Variants in NRXN1 observed in about 807,000 individuals in gnomAD.
NRXN1 encodes neurexin 1, also known as neurexin-1.
A neutral mutation model predicts 150.9 loss-of-function variants in NRXN1; 39 were observed. The observed-to-expected ratio is 0.26, with a 90% CI of 0.20 to 0.34. The LOEUF (loss-of-function observed/expected upper bound fraction) is 0.34, where lower values mean the gene tolerates loss of function less well. NRXN1 is among the 10% of genes least tolerant of loss of function. The pLI is 1.00. For missense variants in NRXN1, 1,815 were observed against 1,949.9 expected, an observed-to-expected ratio of 0.93 and a Z score of 1.30; for synonymous variants, 924 against 757.0, an observed-to-expected ratio of 1.22 and a Z score of -3.62.
intron 18 of NRXN1, among the ~76,000 whole-genome samples, chr2:50,191,148 C>A (rs982151585): frequency 5.3e-5 from 8 of 151,946 alleles, no homozygotes; most frequent in Non-Finnish European, 1.0e-4. Flanking sequence ...CCTACCTCAG[C>A]CTCCTAGGTA....
At chr2:50,513,620 C>T (rs995124144) in intron 12 of NRXN1, among the ~76,000 whole-genome samples, 5 of 152,004 alleles carry the variant, frequency 3.3e-5, no homozygotes, top group African/African-American at 9.7e-5. Context: ...GCTACAAAGC[C>T]TTCTGTGCAA....
chr2:50,052,243 T>A, intron 21 of NRXN1, among the ~76,000 whole-genome samples: 1 of 152,110 alleles, frequency 6.6e-6, no homozygotes, highest in East Asian at 1.9e-4. Flanking sequence ...TTCTTCAGAA[T>A]GCATTTTTCT....
At chr2:50,095,893 C>T (rs1961357) in intron 18 of NRXN1, among the ~76,000 whole-genome samples, 75 of 151,576 alleles carry the variant, frequency 4.9e-4, no homozygotes, top group East Asian at 1.6e-3. Flanking sequence ...CCCATTAACT[C>T]GTCATTGACA....
intron 21 of NRXN1, among the ~76,000 whole-genome samples, chr2:50,001,381 G>A (rs1009888406): frequency 6.6e-6 from 1 of 152,124 alleles, no homozygotes; most frequent in Non-Finnish European, 1.5e-5. Flanking sequence ...TGAAAATTAA[G>A]GAGATGAAGT....
chr2:50,910,954 A>G (rs1574906263), intron 5 of NRXN1, among the ~76,000 whole-genome samples: 1 of 151,634 alleles, frequency 6.6e-6, no homozygotes, highest in South Asian at 2.1e-4. Context: ...CCATCTGACA[A>G]GTTCCACTGA....
At chr2:50,676,234 T>A (rs749232211) in intron 5 of NRXN1, among the ~76,000 whole-genome samples, 1 of 152,128 alleles carries the variant, frequency 6.6e-6, no homozygotes. Context: ...GATTGTAAGC[T>A]TCCTGAGGCC....
chr2:50,020,443 C>T (rs1251295771), intron 21 of NRXN1, among the ~76,000 whole-genome samples: 1 of 152,140 alleles, frequency 6.6e-6, no homozygotes, highest in Admixed American at 6.5e-5. Context: ...AAACATAATT[C>T]TTTATCTTTA....
intron 16 of NRXN1, among the ~76,000 whole-genome samples, chr2:50,471,606 T>C (rs1221733268): frequency 6.6e-6 from 1 of 151,840 alleles, no homozygotes; most frequent in Non-Finnish European, 1.5e-5. Flanking sequence ...CTTCTCTCAC[T>C]ATCCTTCACA....
In NRXN1 at chr2:50,609,366, T is replaced by C. The variant is rs376949087; in HGVS notation, c.1320+10656A>G. On this transcript the variant is annotated intron_variant, in intron 8 of 22. Coordinates refer to ENST00000401669, the MANE Select transcript of NRXN1 (RefSeq NM_001330078.2). Reference sequence around the variant, plus strand: ...ATGAAGAGCAGGGCCCTTCTATGTGTGGAGCCCCATGTGACTGCATAGGTT... The same window carrying C: ...ATGAAGAGCAGGGCCCTTCTATGTGCGGAGCCCCATGTGACTGCATAGGTT... Among the ~76,000 whole-genome samples the C allele has an allele frequency of 1.2e-3, 178 of 152,262 alleles. 1 individual carries two copies. The highest frequency in any genetic ancestry group is 4.2e-3 in the African/African-American group (174 of 41,572).
chr2:50,609,942 A>T (rs181412840), intron 8 of NRXN1, among the ~76,000 whole-genome samples: 1 of 152,302 alleles, frequency 6.6e-6, no homozygotes, highest in East Asian at 1.9e-4. Flanking sequence ...AAAGATAAAA[A>T]TCTCATTTTC....
At chr2:50,260,155 T>C (rs2068103739) in intron 17 of NRXN1, among the ~76,000 whole-genome samples, 1 of 151,862 alleles carries the variant, frequency 6.6e-6, no homozygotes, top group African/African-American at 2.4e-5. Flanking sequence ...ACTACTTTTA[T>C]CTATGAGACC....
rs925348995 is a variant in NRXN1 at position 50,489,629 on chromosome 2, C to T, written c.3070+6276G>A. Among the ~76,000 whole-genome samples, 4 of 151,988 alleles carry T rather than the reference C, an allele frequency of 2.6e-5. No individual in the cohort carries two copies. The East Asian group carries it at 7.7e-4, about 29-fold the overall frequency. On this transcript the variant is annotated intron_variant, in intron 15 of 22. Coordinates refer to ENST00000401669, the MANE Select transcript of NRXN1 (RefSeq NM_001330078.2). The stretch of plus-strand genomic sequence containing the variant: ...AGATCACTTATACTTCCTAAGTTCA[C>T]GTGATTCTAATGGTGGGAAGAGAGA...
At chr2:50,553,140 A>T in intron 8 of NRXN1, 115 bp from the exon 9 acceptor site, 1 of 754,814 alleles carries the variant, frequency 1.3e-6, no homozygotes. Context: ...TATTTAGTTA[A>T]TTTTGTTGTA....
rs1259891756 is a variant in NRXN1, at chr2:50,373,670, GA to G, written c.3364+91771del. ...AGAAAGAAAGAAAGAAAGAAAGAAA[GA>G]AAGAAAGAAAAGAAAGAAGGAAAGA... On this transcript the variant is annotated intron_variant, in intron 17 of 22. Coordinates refer to ENST00000401669, the MANE Select transcript of NRXN1 (RefSeq NM_001330078.2). Among the ~76,000 whole-genome samples the G allele has an allele frequency of 2.0e-3, 203 of 99,464 alleles. 4 individuals carry two copies. Among genetic ancestry groups the G allele is most frequent in the African/African-American group, 8.1e-3 (177 of 21,768 alleles). The allele number at this position is 99,464 out of a possible 152,430, so 65.3% of individuals were successfully genotyped here.
chr2:50,904,836 A>T (rs915183231), intron 5 of NRXN1, among the ~76,000 whole-genome samples: 4 of 152,122 alleles, frequency 2.6e-5, no homozygotes, highest in Admixed American at 1.3e-4. Flanking sequence ...ATGTCTTCTT[A>T]GAACTTGATC....
intron 5 of NRXN1, among the ~76,000 whole-genome samples, chr2:50,792,491 A>T (rs1706193897): frequency 6.6e-6 from 1 of 152,080 alleles, no homozygotes; most frequent in African/African-American, 2.4e-5. Flanking sequence ...TTATGGTCTC[A>T]TTCTTCAGTT....
intron 8 of NRXN1, among the ~76,000 whole-genome samples, chr2:50,614,709 C>T (rs1282904219): frequency 7.9e-6 from 1 of 125,796 alleles, no homozygotes; most frequent in Non-Finnish European, 1.6e-5. Context: ...AGTAGATTAA[C>T]CTATTAAACT....
intron 19 of NRXN1, among the ~76,000 whole-genome samples, chr2:50,063,501 A>T (rs1694879451): frequency 6.7e-6 from 1 of 149,428 alleles, no homozygotes; most frequent in Non-Finnish European, 1.5e-5. Context: ...TTGCATTGCG[A>T]ATTTCTTGCA....
At chr2:50,938,210 CTT>C (rs1688833287) in intron 2 of NRXN1, among the ~76,000 whole-genome samples, 2 of 151,960 alleles carry the variant, frequency 1.3e-5, no homozygotes, top group African/African-American at 4.8e-5. Flanking sequence ...CTATTGTAAA[CTT>C]TATAAACATG....
Sources: allele counts gnomAD v4.1 joint callset (sites outside exome capture counted in the v4.1 genomes callset), GRCh38; gene constraint gnomAD v4.1.1; transcripts MANE v1.5; gene names NCBI Gene and HGNC (gene_info 2026-07-23, HGNC 2026-07-21).